XRCC6: variants seen among roughly 807,000 people sequenced by gnomAD.
The protein encoded by XRCC6 is DNA repair protein Ku70.
A neutral mutation model predicts 65.7 loss-of-function variants in XRCC6; 5 were observed. That is an observed-to-expected ratio of 0.08 (90% CI 0.04 to 0.16). The LOEUF (loss-of-function observed/expected upper bound fraction) is 0.16. XRCC6 is among the 10% of genes least tolerant of loss of function. The probability of loss-of-function intolerance (pLI) is 1.00; values close to 1 mark genes in which losing one functional copy is unlikely to be tolerated. For synonymous variants in XRCC6, 270 were observed against 270.6 expected (o/e 1.00, Z 0.02); for missense variants, 447 against 738.1 (o/e 0.61, Z 4.57).
In XRCC6 at chr22:41,637,772, A is replaced by T; in HGVS notation, c.754A>T (p.Arg252Trp). The change falls in exon 6 of 13, where the codon AGG becomes TGG. Residue 252 changes from arginine (R) to tryptophan (W), a missense_variant. Arg to Trp is a moderately radical substitution (Grantham distance 101). Around this residue, in one of 4 missense-constraint regions of XRCC6, gnomAD observed 228 missense variants for 307.4 expected, o/e 0.74. Transcript: ENST00000360079. ...GCGGAAGGTTCGCGCCAAGGAGACC[A>T]GGAAGCGAGCACTCAGCAGGTGTGC... ...LLRKVRAKET[R>W]KRALSRLKLK... 6.2e-7 allele frequency: 1 copy of T among 1,613,982 alleles called. No individual in the cohort carries two copies. Among genetic ancestry groups the T allele is most frequent in the Non-Finnish European group, 8.5e-7 (1 of 1,179,958 alleles).
chr22:41,658,005 G>A (rs1485493073), intron 10 of XRCC6, among the ~76,000 whole-genome samples: 2 of 151,930 alleles, frequency 1.3e-5, no homozygotes, highest in Admixed American at 6.6e-5. Context: ...TAAATTTTTT[G>A]TAGAGACAGG....
At chr22:41,652,122 C>A (rs1204668809) in intron 8 of XRCC6, among the ~76,000 whole-genome samples, 2 of 152,062 alleles carry the variant, frequency 1.3e-5, no homozygotes, top group Non-Finnish European at 2.9e-5. Context: ...CCATGTAATT[C>A]TTTGAAGCAT....
chr22:41,630,029 G>C (rs896835010), intron 3 of XRCC6, among the ~76,000 whole-genome samples: 1 of 146,920 alleles, frequency 6.8e-6, no homozygotes, highest in Admixed American at 6.9e-5. Context: ...CTGTCACCAG[G>C]CTGGAGTGCA....
intron 12 of XRCC6, among the ~76,000 whole-genome samples, chr22:41,661,969 G>A (rs1220029911): frequency 6.6e-6 from 1 of 152,182 alleles, no homozygotes; most frequent in Middle Eastern, 3.2e-3. Context: ...GCCAGGCTCA[G>A]AAAGACAGAC....
At chr22:41,627,307 C>T (rs2067688644) in intron 2 of XRCC6, among the ~76,000 whole-genome samples, 1 of 151,912 alleles carries the variant, frequency 6.6e-6, no homozygotes, top group African/African-American at 2.4e-5. Flanking sequence ...TGCCTATAAT[C>T]CCAGCTCTTA....
In XRCC6 at chr22:41,631,900, C is replaced by T. The variant is rs1163666758; in HGVS notation, c.195+3670C>T. 6.6e-5 allele frequency among the ~76,000 whole-genome samples: 10 copies of T among 152,166 alleles called. No individual in the cohort carries two copies. The East Asian group carries it at 9.7e-4, about 15-fold the overall frequency. On this transcript the variant is annotated intron_variant, in intron 3 of 12. Coordinates refer to ENST00000360079, the MANE Select transcript of XRCC6 (RefSeq NM_001469.5). ...CGGCACCTCCGGAGGCCGAGGCTGG[C>T]GGATCACTCGCGGTTAGGAGCTGGA...
intron 3 of XRCC6, among the ~76,000 whole-genome samples, chr22:41,633,438 T>C (rs2067777332): frequency 6.6e-6 from 1 of 151,370 alleles, no homozygotes; most frequent in African/African-American, 2.4e-5. Flanking sequence ...TTTGCTGCCC[T>C]GGCTCTTGGC....
At position 41,623,679 on chromosome 22, in the gene XRCC6, G is replaced by A. The variant is rs1263002657; in HGVS notation, c.82+1593G>A. ...TGGGATTACAAGTGTGAGCCACTGC[G>A]CCTGGCCTATCTGATTTCTTGTATT... On this transcript the variant is annotated intron_variant, in intron 2 of 12. Transcript: ENST00000360079. Among the ~76,000 whole-genome samples, 8 of 151,304 alleles carry A rather than the reference G, an allele frequency of 5.3e-5. No individual in the cohort carries two copies. The South Asian group carries it at 1.5e-3, about 28-fold the overall frequency.
chr22:41,641,070 GTC>G (rs2067870274), intron 6 of XRCC6, among the ~76,000 whole-genome samples: 1 of 152,080 alleles, frequency 6.6e-6, no homozygotes, highest in South Asian at 2.1e-4. Flanking sequence ...GGGAGACCCT[GTC>G]TCTCTTTATT....
chr22:41,635,256 A>G (rs1164875258), intron 3 of XRCC6, among the ~76,000 whole-genome samples: 1 of 152,234 alleles, frequency 6.6e-6, no homozygotes, highest in Non-Finnish European at 1.5e-5. Context: ...TACTTGGCAC[A>G]TGGCAAATTC....
intron 6 of XRCC6, among the ~76,000 whole-genome samples, chr22:41,642,993 G>A (rs985059022): frequency 1.7e-4 from 26 of 152,136 alleles, no homozygotes; most frequent in African/African-American, 5.1e-4. Context: ...TTGTCTCCAC[G>A]GTGTGAACCT....
At chr22:41,645,835 A>G (rs997561044) in intron 6 of XRCC6, among the ~76,000 whole-genome samples, 3 of 151,320 alleles carry the variant, frequency 2.0e-5, no homozygotes, top group Admixed American at 6.6e-5. Flanking sequence ...AGCTGGGATT[A>G]TAGACTGTGC....
At chr22:41,630,267 C>T (rs2067725746) in intron 3 of XRCC6, among the ~76,000 whole-genome samples, 1 of 151,878 alleles carries the variant, frequency 6.6e-6, no homozygotes, top group Non-Finnish European at 1.5e-5. Context: ...CAGGCGTGAG[C>T]CATGGCACCC....
chr22:41,647,150 G>T, intron 7 of XRCC6, 68 bp downstream of exon 7: 1 of 1,540,834 alleles, frequency 6.5e-7, no homozygotes, highest in African/African-American at 1.4e-5. Context: ...CCAGGCTGGA[G>T]TGCAGTGGGG....
intron 3 of XRCC6, among the ~76,000 whole-genome samples, chr22:41,634,069 A>G (rs2067784734): frequency 6.6e-6 from 1 of 152,204 alleles, no homozygotes; most frequent in South Asian, 2.1e-4. Context: ...GCTATAGTAC[A>G]TGTTCTGCAT....
intron 6 of XRCC6, among the ~76,000 whole-genome samples, chr22:41,638,887 A>G (rs116962367): frequency 0.015 from 2,255 of 152,078 alleles, 29 homozygotes; most frequent in South Asian, 0.027. Flanking sequence ...CTGAGTGAGT[A>G]GTGAGTGAAA....
intron 6 of XRCC6, among the ~76,000 whole-genome samples, chr22:41,642,083 C>T (rs2067884001): frequency 6.6e-6 from 1 of 152,176 alleles, no homozygotes; most frequent in Non-Finnish European, 1.5e-5. Context: ...CATTGTACTA[C>T]ACTTTCTTTA....
chr22:41,630,260 G>T (rs564953662), intron 3 of XRCC6, among the ~76,000 whole-genome samples: 2 of 151,962 alleles, frequency 1.3e-5, no homozygotes, highest in African/African-American at 4.8e-5. Context: ...GGGATTGCAG[G>T]CGTGAGCCAT....
chr22:41,653,907 C>T (rs1378389397), intron 9 of XRCC6, among the ~76,000 whole-genome samples: 1 of 152,130 alleles, frequency 6.6e-6, no homozygotes, highest in African/African-American at 2.4e-5. Flanking sequence ...CAAGGCTGAT[C>T]TGCAGCTAGG....
Sources: allele counts gnomAD v4.1 joint callset (sites outside exome capture counted in the v4.1 genomes callset), GRCh38; gene constraint gnomAD v4.1.1; regional missense constraint gnomAD v4.1.1; transcripts MANE v1.5; gene names NCBI Gene and HGNC (gene_info 2026-07-23, HGNC 2026-07-21).